TFDP2: variants seen among roughly 807,000 people sequenced by gnomAD.
TFDP2 encodes the protein transcription factor Dp-2, also known as transcription factor Dp-2 (E2F dimerization partner 2).
In TFDP2, 17 loss-of-function variants were observed where a neutral mutation model predicts 59.3. The observed-to-expected ratio is 0.29, with a 90% confidence interval of 0.20 to 0.43. TFDP2 has a LOEUF of 0.43. Among genes scored for constraint, TFDP2 ranks in the 20% least tolerant of loss-of-function variants. The pLI, the probability that TFDP2 is intolerant of heterozygous loss-of-function variation, is 1.00. For synonymous variants in TFDP2, 180 were observed against 194.7 expected (o/e 0.92, Z 0.63); for missense variants, 391 against 528.8 (o/e 0.74, Z 2.56).
intron 3 of TFDP2, among the ~76,000 whole-genome samples, chr3:142,033,096 G>A (rs559653021): frequency 1.8e-4 from 27 of 152,306 alleles, no homozygotes; most frequent in African/African-American, 6.3e-4. Context: ...TTGGGAGCCT[G>A]AGGCAGGAGA....
chr3:142,060,616 G>C (rs546077693), intron 3 of TFDP2, among the ~76,000 whole-genome samples: 1 of 152,098 alleles, frequency 6.6e-6, no homozygotes, highest in Non-Finnish European at 1.5e-5. Context: ...ATATAAAAAT[G>C]TGTGTGTGGA....
chr3:142,002,058 A>G (rs1253692895), intron 4 of TFDP2, among the ~76,000 whole-genome samples: 1 of 148,990 alleles, frequency 6.7e-6, no homozygotes, highest in Non-Finnish European at 1.5e-5. Flanking sequence ...GCAGTGGTGC[A>G]ATCTCTGCTC....
rs201110888 is a variant in TFDP2 at position 142,123,407 on chromosome 3, T to C, written c.-92-21566A>G. Among the ~76,000 whole-genome samples the C allele has an allele frequency of 1.1e-4, 17 of 152,282 alleles. No individual in the cohort carries two copies. In the East Asian group the frequency reaches 2.3e-3, roughly 21 times the overall value. On this transcript the variant is annotated intron_variant, in intron 1 of 12. Transcript: ENST00000489671. Reference sequence around the variant, plus strand: ...CCTCAGCCTCCCAAAGTGCTGGGATTAGAGGCGTGAGCCATCGCGCCCAGC... The same window carrying C: ...CCTCAGCCTCCCAAAGTGCTGGGATCAGAGGCGTGAGCCATCGCGCCCAGC...
At chr3:141,999,052 C>T (rs1049636901) in intron 4 of TFDP2, among the ~76,000 whole-genome samples, 2 of 152,034 alleles carry the variant, frequency 1.3e-5, no homozygotes, top group Non-Finnish European at 2.9e-5. Context: ...TACAGTTGAC[C>T]CTTGAACAAC....
intron 1 of TFDP2, among the ~76,000 whole-genome samples, chr3:142,140,867 C>G (rs1166470567): frequency 6.6e-6 from 1 of 152,180 alleles, no homozygotes; most frequent in Non-Finnish European, 1.5e-5. Flanking sequence ...GGCTGACTGT[C>G]CATTCTCAGA....
rs11569199 is a variant in TFDP2 at position 141,995,479 on chromosome 3, A to G, written c.187-338T>C. 9.0e-4 allele frequency among the ~76,000 whole-genome samples: 137 copies of G among 152,322 alleles called. 1 individual carries two copies. The East Asian group carries it at 0.022, about 24-fold the overall frequency. On this transcript the variant is annotated intron_variant, in intron 4 of 12. Transcript: ENST00000489671. ...AGGAAATGAATTGCAGTACAGCTTG[A>G]TTTACTAGAACCAGGGCAACAGCAA...
In TFDP2 at chr3:141,952,277, ATGCTTTCTTTGTTATATCATCTAC is replaced by A; in HGVS notation, c.*212_*235del. 2 of 394,144 alleles carry A rather than the reference ATGCTTTCTTTGTTATATCATCTAC, an allele frequency of 5.1e-6. No homozygotes were observed. Among genetic ancestry groups the A allele is most frequent in the Non-Finnish European group, 8.8e-6 (2 of 226,114 alleles). The allele number at this position is 394,144 out of a possible 1,614,324, so 24.4% of individuals were successfully genotyped here. On this transcript the variant is annotated 3_prime_UTR_variant, in exon 13 of 13. Transcript: ENST00000489671. ...TATCCCCACTATCTCCTCAGAAAGC[ATGCTTTCTTTGTTATATCATCTAC>A]TGCTCTGTTGGCCAGACTTTCATTC...
intron 1 of TFDP2, among the ~76,000 whole-genome samples, chr3:142,112,766 T>C (rs2061706130): frequency 6.6e-6 from 1 of 152,170 alleles, no homozygotes; most frequent in African/African-American, 2.4e-5. Flanking sequence ...AGACATCCTC[T>C]TGTCTCAGCC....
chr3:141,964,080 C>T (rs1937603154), intron 9 of TFDP2, 117 bp from the exon 10 acceptor site: 1 of 839,358 alleles, frequency 1.2e-6, no homozygotes, highest in Admixed American at 3.1e-5. Context: ...AGACATCCCG[C>T]CTGCACTAAT....
chr3:142,084,079 G>T (rs953474986), intron 3 of TFDP2, among the ~76,000 whole-genome samples: 2 of 152,068 alleles, frequency 1.3e-5, no homozygotes, highest in African/African-American at 4.8e-5. Flanking sequence ...CACAGAATGG[G>T]AGAAAACATC....
In TFDP2 at chr3:141,975,693, CA is replaced by C. The variant is rs537962821; in HGVS notation, c.520-1503del. Among the ~76,000 whole-genome samples, 218 of 96,032 alleles carry C rather than the reference CA, an allele frequency of 2.3e-3. 2 individuals are homozygous for C. The East Asian group carries it at 0.031, about 14-fold the overall frequency. The allele number at this position is 96,032 out of a possible 152,430, so 63.0% of individuals were successfully genotyped here. On this transcript the variant is annotated intron_variant, in intron 7 of 12. Transcript: ENST00000489671. Reference sequence around the variant, plus strand: ...TGGGTGACAGAGCTAGACTCTGTCTCAAAAAAAAAAAAAAAAAGAAATCTTG... The same window carrying C: ...TGGGTGACAGAGCTAGACTCTGTCTCAAAAAAAAAAAAAAAAGAAATCTTG...
intron 3 of TFDP2, among the ~76,000 whole-genome samples, chr3:142,050,552 C>T (rs575411662): frequency 3.8e-4 from 58 of 150,970 alleles, no homozygotes; most frequent in African/African-American, 1.4e-3. Context: ...AAAAATTAGC[C>T]GGGTGTGGTG....
At position 142,072,986 on chromosome 3, in the gene TFDP2, T is replaced by C. The variant is rs140584370; in HGVS notation, c.82+20075A>G. ...CCTATGATGCAGAAAAGGAGAGGGG[T>C]AAAGACTAACTTTACTGTGGAGAAA... On this transcript the variant is annotated intron_variant, in intron 3 of 12. Coordinates refer to ENST00000489671, the MANE Select transcript of TFDP2 (RefSeq NM_001178139.2). 8.5e-5 allele frequency among the ~76,000 whole-genome samples: 13 copies of C among 152,066 alleles called. No homozygotes were observed. The East Asian group carries it at 2.5e-3, about 29-fold the overall frequency.
chr3:142,067,101 C>G (rs529504968), intron 3 of TFDP2, among the ~76,000 whole-genome samples: 1 of 152,136 alleles, frequency 6.6e-6, no homozygotes, highest in Non-Finnish European at 1.5e-5. Flanking sequence ...GGGAACAAGG[C>G]AAGGATTTCT....
chr3:142,010,037 A>G (rs952807978), intron 3 of TFDP2, among the ~76,000 whole-genome samples: 1 of 152,178 alleles, frequency 6.6e-6, no homozygotes, highest in African/African-American at 2.4e-5. Flanking sequence ...CAGAATTCAG[A>G]TATCTTAAGT....
chr3:142,043,459 G>T (rs1947129104), intron 3 of TFDP2, among the ~76,000 whole-genome samples: 1 of 151,454 alleles, frequency 6.6e-6, no homozygotes, highest in Non-Finnish European at 1.5e-5. Context: ...CACCTCCTGG[G>T]TTCAAGCGAT....
chr3:142,109,055 T>C (rs2061565381), intron 1 of TFDP2, among the ~76,000 whole-genome samples: 2 of 152,360 alleles, frequency 1.3e-5, no homozygotes, highest in South Asian at 4.1e-4. Context: ...TGTCTATTTA[T>C]TTCTGTGATA....
At position 142,021,081 on chromosome 3, in the gene TFDP2, GT is replaced by G. The variant is rs1472539624; in HGVS notation, c.83-15538del. Among the ~76,000 whole-genome samples the G allele has an allele frequency of 1.6e-4, 25 of 152,156 alleles. No individual in the cohort carries two copies. The East Asian group carries it at 4.0e-3, about 25-fold the overall frequency. On this transcript the variant is annotated intron_variant, in intron 3 of 12. Coordinates refer to ENST00000489671, the MANE Select transcript of TFDP2 (RefSeq NM_001178139.2). ...TGTTATGTTTTATTTTGATGCATTT[GT>G]ACTGAACCATGTTCGCCAAAAGTCA...
intron 1 of TFDP2, among the ~76,000 whole-genome samples, chr3:142,145,230 G>A (rs1469818960): frequency 6.6e-6 from 1 of 152,120 alleles, no homozygotes; most frequent in Non-Finnish European, 1.5e-5. Context: ...AAGGTATATT[G>A]CTCCAAATAA....
Sources: gnomAD v4.1 joint callset for allele counts (sites outside exome capture counted in the v4.1 genomes callset) on GRCh38, gnomAD v4.1.1 for gene constraint, MANE v1.5 for transcripts, NCBI Gene and HGNC (gene_info 2026-07-23, HGNC 2026-07-21) for gene names.